The following BCAS3 variants were observed in gnomAD, a reference collection of about 807,000 sequenced individuals.
The protein encoded by BCAS3 is BCAS4/BCAS3 fusion.
Under a neutral mutation model 116.1 loss-of-function variants are expected in BCAS3, and 53 were observed. The observed-to-expected ratio is 0.46, with a 90% CI of 0.37 to 0.57. BCAS3 has a LOEUF of 0.57. Among genes scored for constraint, BCAS3 ranks in the 20% least tolerant of loss-of-function variants. The pLI, the probability that BCAS3 is intolerant of heterozygous loss-of-function variation, is 0.00. For missense variants in BCAS3, 917 were observed against 1,165.4 expected, an observed-to-expected ratio of 0.79 and a Z score of 3.10; for synonymous variants, 391 against 408.2, an observed-to-expected ratio of 0.96 and a Z score of 0.51.
At chr17:60,770,400 CTTTTTTTTTTTTTTTTTTTTTTTTTT>C (rs35691381) in intron 6 of BCAS3, among the ~76,000 whole-genome samples, 1 of 76,876 alleles carries the variant, frequency 1.3e-5, no homozygotes, top group Non-Finnish European at 2.9e-5. Flanking sequence ...AGTGTTCCCT[CTTTTTTTTTTTTTTTTTTTTTTTTTT>C]TTTTTTTTTT....
At chr17:61,287,227 A>G (rs970608173) in intron 22 of BCAS3, among the ~76,000 whole-genome samples, 4 of 151,568 alleles carry the variant, frequency 2.6e-5, no homozygotes, top group African/African-American at 9.7e-5. Context: ...CAGCCTGGGC[A>G]ACAGAGCCAG....
At chr17:60,834,647 G>A (rs540546507) in intron 7 of BCAS3, among the ~76,000 whole-genome samples, 1 of 152,072 alleles carries the variant, frequency 6.6e-6, no homozygotes, top group South Asian at 2.1e-4. Context: ...TTGCTTGGCA[G>A]AAGATGGTAT....
Position 61,021,541 on chromosome 17 carries a change from GAA to G in BCAS3, c.1637+5649_1637+5650del, listed in dbSNP as rs916762204. 2.0e-5 allele frequency among the ~76,000 whole-genome samples: 3 copies of G among 148,028 alleles called. No homozygotes were observed. Among genetic ancestry groups the G allele is most frequent in the African/African-American group, 7.5e-5 (3 of 40,250 alleles). On this transcript the variant is annotated intron_variant, in intron 16 of 23. Coordinates refer to ENST00000407086, the MANE Select transcript of BCAS3 (RefSeq NM_017679.5). This position sits in a 1 kb window ranked among gnomAD's most constrained non-coding sequence, Gnocchi z 4.6. ...GTGTCCTAGGTAAATTTCTTCACCT[GAA>G]AAAAAAAAGTTTATATATATGGATT...
At chr17:60,898,016 AG>A (rs2057626205) in intron 10 of BCAS3, among the ~76,000 whole-genome samples, 1 of 152,046 alleles carries the variant, frequency 6.6e-6, no homozygotes, top group African/African-American at 2.4e-5. Flanking sequence ...TTGGGATTAC[AG>A]GCATGAGCCA....
chr17:61,086,860 G>C (rs1280651544), intron 22 of BCAS3: 1 of 985,172 alleles, frequency 1.0e-6, no homozygotes, highest in Non-Finnish European at 1.2e-6. Context: ...AATTGGTTCA[G>C]ATCCCTTTTG....
intron 13 of BCAS3, among the ~76,000 whole-genome samples, chr17:60,944,715 C>T (rs1247076076): frequency 6.6e-6 from 1 of 152,078 alleles, no homozygotes; most frequent in Admixed American, 6.5e-5. Context: ...GCATATTCAA[C>T]ATTTGACAAT....
chr17:60,783,497 G>T (rs905363840), intron 6 of BCAS3, among the ~76,000 whole-genome samples: 3 of 152,160 alleles, frequency 2.0e-5, no homozygotes, highest in Admixed American at 1.3e-4. Flanking sequence ...GAGCCACTGC[G>T]CCTGACAATC....
At chr17:61,184,795 G>A (rs1458251110) in intron 22 of BCAS3, among the ~76,000 whole-genome samples, 1 of 152,172 alleles carries the variant, frequency 6.6e-6, no homozygotes, top group Admixed American at 6.5e-5. Context: ...CAACACAGAT[G>A]AATTTCAAAG....
chr17:61,355,340 T>G lies in BCAS3; in HGVS notation c.2426-12987T>G, dbSNP rs546418190. 1.2e-4 allele frequency among the ~76,000 whole-genome samples: 19 copies of G among 152,278 alleles called. No individual in the cohort carries two copies. The highest frequency in any genetic ancestry group is 4.3e-4 in the African/African-American group (18 of 41,540). ...GTTGAGAGCCTCGTGTTTGACTTAT[T>G]TGTGGAGCACAGAAATCACAGGATT... On this transcript the variant is annotated intron_variant, in intron 22 of 23. Transcript: ENST00000407086. The surrounding 1 kb of genome is among the most constrained non-coding windows in gnomAD (Gnocchi z 4.2).
At chr17:60,942,837 C>G in intron 13 of BCAS3, among the ~76,000 whole-genome samples, 1 of 152,064 alleles carries the variant, frequency 6.6e-6, no homozygotes, top group East Asian at 1.9e-4. Flanking sequence ...TAATGTGATT[C>G]TGCTTCTGGG....
At position 61,204,944 on chromosome 17, in the gene BCAS3, C is replaced by G. The variant is rs879367670; in HGVS notation, c.2425+120380C>G. Among the ~76,000 whole-genome samples the G allele has an allele frequency of 5.3e-5, 8 of 151,980 alleles. No individual in the cohort carries two copies. The highest frequency in any genetic ancestry group is 1.9e-4 in the African/African-American group (8 of 41,368). ...GCACATACCTGTAGTCCCAGCTACT[C>G]AGGAGGCTGAAGTGGAAGGATCACC... On this transcript the variant is annotated intron_variant, in intron 22 of 23. Transcript: ENST00000407086. This position sits in a 1 kb window ranked among gnomAD's most constrained non-coding sequence, Gnocchi z 4.2.
At chr17:61,046,386 T>G (rs2143139477) in intron 19 of BCAS3, among the ~76,000 whole-genome samples, 2 of 151,502 alleles carry the variant, frequency 1.3e-5, no homozygotes, top group East Asian at 3.9e-4. Flanking sequence ...CAAAGAATTT[T>G]CAAATATAGT....
At chr17:61,093,280 C>G (rs1053203274) in intron 22 of BCAS3, among the ~76,000 whole-genome samples, 7 of 152,050 alleles carry the variant, frequency 4.6e-5, no homozygotes, top group Non-Finnish European at 1.0e-4. Context: ...GACTATGATC[C>G]TTTTCAAATT....
At chr17:60,859,303 C>T (rs1029999670) in intron 7 of BCAS3, among the ~76,000 whole-genome samples, 1 of 152,020 alleles carries the variant, frequency 6.6e-6, no homozygotes, top group Non-Finnish European at 1.5e-5. Flanking sequence ...AGGTAGTGAG[C>T]ATAGTACCCG....
At chr17:61,221,697 A>C (rs534512642) in intron 22 of BCAS3, among the ~76,000 whole-genome samples, 2 of 152,170 alleles carry the variant, frequency 1.3e-5, no homozygotes, top group Non-Finnish European at 2.9e-5. Context: ...AAAAAGGCTT[A>C]GATGTGCCTG....
At chr17:60,753,701 G>A (rs1005663976) in intron 6 of BCAS3, among the ~76,000 whole-genome samples, 11 of 152,202 alleles carry the variant, frequency 7.2e-5, no homozygotes, top group East Asian at 1.9e-4. Flanking sequence ...GAGCCACCAC[G>A]CTCTGCCGCG....
Position 61,098,920 on chromosome 17 carries a change from C to T in BCAS3, c.2425+14356C>T, listed in dbSNP as rs2074141455. Among the ~76,000 whole-genome samples the T allele has an allele frequency of 6.6e-6, 1 of 151,980 alleles. No homozygotes were observed. The highest frequency in any genetic ancestry group is 2.1e-4 in the South Asian group (1 of 4,822). Reference sequence around the variant, plus strand: ...GCAGGTGATCACCAGGTCAGGAGATCGAGATCATCCTGGCTAACACGGTGA... The same window carrying T: ...GCAGGTGATCACCAGGTCAGGAGATTGAGATCATCCTGGCTAACACGGTGA... On this transcript the variant is annotated intron_variant, in intron 22 of 23. Coordinates refer to ENST00000407086, the MANE Select transcript of BCAS3 (RefSeq NM_017679.5). This position sits in a 1 kb window ranked among gnomAD's most constrained non-coding sequence, Gnocchi z 4.2.
chr17:61,039,086 A>T (rs1240892602), intron 18 of BCAS3, among the ~76,000 whole-genome samples: 1 of 152,220 alleles, frequency 6.6e-6, no homozygotes, highest in African/African-American at 2.4e-5. Context: ...CATACTCATT[A>T]GCAGTCACTC....
intron 16 of BCAS3, among the ~76,000 whole-genome samples, chr17:61,025,217 G>A (rs922785910): frequency 6.6e-6 from 1 of 152,020 alleles, no homozygotes; most frequent in Non-Finnish European, 1.5e-5. Flanking sequence ...TGCAAGCTGA[G>A]CTCTAGTAAC....
Sources: allele counts gnomAD v4.1 joint callset (sites outside exome capture counted in the v4.1 genomes callset), GRCh38; gene constraint gnomAD v4.1.1; non-coding constraint Gnocchi (gnomAD v3.1); transcripts MANE v1.5; gene names NCBI Gene and HGNC (gene_info 2026-07-23, HGNC 2026-07-21).